RAB18: variants seen among roughly 807,000 people sequenced by gnomAD.
RAB18 encodes ras-related protein Rab-18.
Under a neutral mutation model 28.5 loss-of-function variants are expected in RAB18, and 10 were observed. That is an observed-to-expected ratio of 0.35 (90% CI 0.22 to 0.60). The LOEUF is 0.60. Ranked by LOEUF, RAB18 falls within the 20% of genes least tolerant of loss-of-function variation. The pLI is 0.78. For synonymous variants in RAB18, 93 were observed against 86.9 expected (o/e 1.07, Z -0.39); for missense variants, 188 against 244.2 (o/e 0.77, Z 1.53).
intron 2 of RAB18, among the ~76,000 whole-genome samples, 198 bp from the exon 3 acceptor site, chr10:27,526,630 G>A (rs1434425497): frequency 6.6e-6 from 1 of 152,166 alleles, no homozygotes; most frequent in East Asian, 1.9e-4. Flanking sequence ...ACAAGCATTT[G>A]ATTTTCATTT....
At chr10:27,508,802 C>G (rs950663033) in intron 1 of RAB18, among the ~76,000 whole-genome samples, 17 of 152,150 alleles carry the variant, frequency 1.1e-4, no homozygotes, top group Admixed American at 8.5e-4. Flanking sequence ...ACAAAACATA[C>G]CTCTACCAGC....
At chr10:27,523,700 C>A (rs1834614496) in intron 2 of RAB18, among the ~76,000 whole-genome samples, 1 of 150,858 alleles carries the variant, frequency 6.6e-6, no homozygotes, top group Admixed American at 6.6e-5. Flanking sequence ...TCAGCCTCGA[C>A]CTTTCAGGCT....
chr10:27,528,634 T>C (rs1479222881), intron 3 of RAB18, among the ~76,000 whole-genome samples: 3 of 152,102 alleles, frequency 2.0e-5, no homozygotes, highest in Admixed American at 1.3e-4. Flanking sequence ...AGCTGTACTT[T>C]AGTCAGCCTT....
At chr10:27,529,334 T>C (rs1189167353) in intron 3 of RAB18, among the ~76,000 whole-genome samples, 2 of 152,004 alleles carry the variant, frequency 1.3e-5, no homozygotes, top group African/African-American at 4.8e-5. Flanking sequence ...GGGTGTAACG[T>C]ATTTAGGAAG....
chr10:27,539,639 CTG>C lies in RAB18; in HGVS notation c.*1590_*1591del. The C allele has an allele frequency of 2.2e-6, 1 of 453,114 alleles. No individual in the cohort carries two copies. The allele number at this position is 453,114 out of a possible 1,614,324, so 28.1% of individuals were successfully genotyped here. On this transcript the variant is annotated 3_prime_UTR_variant, in exon 7 of 7. Transcript: ENST00000356940. ...TGAGATTTGTGTATTTATGTAGAGT[CTG>C]TATTGACAAGACTGTTGTTTTTTGC...
At chr10:27,511,066 A>G (rs967922093) in intron 2 of RAB18, among the ~76,000 whole-genome samples, 1 of 152,214 alleles carries the variant, frequency 6.6e-6, no homozygotes, top group Non-Finnish European at 1.5e-5. Flanking sequence ...ACATAGATAC[A>G]TTTTATTGTC....
At chr10:27,520,396 A>G (rs1834522353) in intron 2 of RAB18, among the ~76,000 whole-genome samples, 1 of 151,362 alleles carries the variant, frequency 6.6e-6, no homozygotes, top group Admixed American at 6.6e-5. Flanking sequence ...TTTGAAGTTA[A>G]TCTAGTTTAA....
Position 27,539,363 on chromosome 10 carries a change from A to ATT in RAB18, c.*1316_*1317dup, listed in dbSNP as rs1305759414. 1 of 295,678 alleles carries ATT rather than the reference A, an allele frequency of 3.4e-6. No homozygotes were observed. Among genetic ancestry groups the ATT allele is most frequent in the Non-Finnish European group, 6.5e-6 (1 of 153,064 alleles). 18.3% of individuals were successfully genotyped at this position (295,678 alleles called of 1,614,324 possible). ...CTGTATACAATTGCAAATGATAAGC[A>ATT]TTTTTGTGAGTGACCACCTTTGCAA... On this transcript the variant is annotated 3_prime_UTR_variant, in exon 7 of 7. Transcript: ENST00000356940.
rs11597728 is a variant in RAB18, at chr10:27,541,527, A to G, written c.*3476A>G. On this transcript the variant is annotated 3_prime_UTR_variant, in exon 7 of 7. Coordinates refer to ENST00000356940, the MANE Select transcript of RAB18 (RefSeq NM_021252.5). ...AAGTGCCCCTTAGTTAAAGCTGTTCAATGAATGTAAGCACACACACACCTA... is the reference window on the plus strand; with the variant it reads ...AAGTGCCCCTTAGTTAAAGCTGTTCGATGAATGTAAGCACACACACACCTA... 0.19 allele frequency: 86,041 copies of G among 453,632 alleles called. 8,892 individuals carry two copies. The highest frequency in any genetic ancestry group is 0.33 in the East Asian group (4,672 of 14,340). 28.1% of individuals were successfully genotyped at this position (453,632 alleles called of 1,614,324 possible).
rs1464711906 is a variant in RAB18 at position 27,542,172 on chromosome 10, C to T, written c.*4121C>T. On this transcript the variant is annotated 3_prime_UTR_variant, in exon 7 of 7. Transcript: ENST00000356940. ...TGGGAACTTCTGGATCAAATTGGAC[C>T]TGAATTGAGATCTATTTCTCAGCTT... is the stretch of plus-strand genomic sequence containing the variant. The T allele has an allele frequency of 2.2e-6, 1 of 454,052 alleles. No homozygotes were observed. The highest frequency in any genetic ancestry group is 2.3e-5 in the Admixed American group (1 of 42,566). 28.1% of individuals were successfully genotyped at this position (454,052 alleles called of 1,614,324 possible).
chr10:27,533,475 A>G (rs1287033393), intron 4 of RAB18, among the ~76,000 whole-genome samples: 1 of 152,018 alleles, frequency 6.6e-6, no homozygotes, highest in Non-Finnish European at 1.5e-5. Context: ...TGGGTATTAA[A>G]TGTGTTTTCA....
rs958563966 is a variant in RAB18 at position 27,538,637 on chromosome 10, A to G, written c.*586A>G. On this transcript the variant is annotated 3_prime_UTR_variant, in exon 7 of 7. Transcript: ENST00000356940. ...GGATGATGCTTCTAAAACAGCATTG[A>G]TAGGTTAAAGAAGCTTGGTATTTTT... The G allele has an allele frequency of 2.2e-6, 1 of 453,984 alleles. No homozygotes were observed. The highest frequency in any genetic ancestry group is 6.9e-5 in the East Asian group (1 of 14,404). The allele number at this position is 453,984 out of a possible 1,614,324, so 28.1% of individuals were successfully genotyped here. A position where few individuals can be genotyped will look rare whatever the true frequency, so the allele number is the denominator to read the frequency against.
intron 3 of RAB18, among the ~76,000 whole-genome samples, chr10:27,531,848 C>T (rs2132405782): frequency 6.6e-6 from 1 of 151,614 alleles, no homozygotes; most frequent in East Asian, 1.9e-4. Flanking sequence ...TTGGTCTCAG[C>T]ACAATGGTTA....
rs1441234710 is a variant in RAB18 at position 27,540,702 on chromosome 10, A to G, written c.*2651A>G. The G allele has an allele frequency of 2.2e-6, 1 of 453,982 alleles. No individual in the cohort carries two copies. 28.1% of individuals were successfully genotyped at this position (453,982 alleles called of 1,614,324 possible). ...CACTTTTTATGTGAGAATAGAAATT[A>G]TGGAAACAGTAATTTGCTCAAAACT... On this transcript the variant is annotated 3_prime_UTR_variant, in exon 7 of 7. Transcript: ENST00000356940.
intron 2 of RAB18, among the ~76,000 whole-genome samples, chr10:27,520,652 C>T (rs1834529333): frequency 6.6e-6 from 1 of 151,930 alleles, no homozygotes; most frequent in Non-Finnish European, 1.5e-5. Context: ...CATGGTGGCT[C>T]ATGCCTGTAA....
Position 27,541,874 on chromosome 10 carries a change from T to G in RAB18, c.*3823T>G. On this transcript the variant is annotated 3_prime_UTR_variant, in exon 7 of 7. Transcript: ENST00000356940. ...CAATTGGCATGTGGTTTGGGTGGCATTGTCACACCCTCGGCTTTCTAGATT... is the reference window on the plus strand; with the variant it reads ...CAATTGGCATGTGGTTTGGGTGGCAGTGTCACACCCTCGGCTTTCTAGATT... 2.2e-6 allele frequency: 1 copy of G among 448,966 alleles called. No homozygotes were observed. Among genetic ancestry groups the G allele is most frequent in the Non-Finnish European group, 4.4e-6 (1 of 225,524 alleles). 27.8% of individuals were successfully genotyped at this position (448,966 alleles called of 1,614,324 possible).
At position 27,539,191 on chromosome 10, in the gene RAB18, A is replaced by G. The variant is rs1589595910; in HGVS notation, c.*1140A>G. The G allele has an allele frequency of 8.9e-6, 3 of 336,332 alleles. No homozygotes were observed. The highest frequency in any genetic ancestry group is 1.7e-5 in the Non-Finnish European group (3 of 173,228). The allele number at this position is 336,332 out of a possible 1,614,324, so 20.8% of individuals were successfully genotyped here. On this transcript the variant is annotated 3_prime_UTR_variant, in exon 7 of 7. Coordinates refer to ENST00000356940, the MANE Select transcript of RAB18 (RefSeq NM_021252.5). ...GTTTTCTCACCTCTTGCTATTGTAT[A>G]TTGTAGATTTTTTTCATTCATGTGT...
Position 27,509,953 on chromosome 10 carries a change from T to C in RAB18, c.124+23T>C, listed in dbSNP as rs113797754. On this transcript the variant is annotated intron_variant, in intron 2 of 6. Coordinates refer to ENST00000356940, the MANE Select transcript of RAB18 (RefSeq NM_021252.5). ...TAGGTAAGCCTGTGTTTAAAAATTC[T>C]ATAGAAATGGCCAGTATTTTCTTGC... is the stretch of plus-strand genomic sequence containing the variant. The C allele has an allele frequency of 3.1e-5, 49 of 1,582,486 alleles. No individual in the cohort carries two copies. In the African/African-American group the frequency reaches 3.5e-4, roughly 11 times the overall value.
intron 3 of RAB18, among the ~76,000 whole-genome samples, chr10:27,530,011 A>C (rs2132402751): frequency 6.6e-6 from 1 of 152,140 alleles, no homozygotes; most frequent in East Asian, 1.9e-4. Context: ...TTAAAACATC[A>C]GGATTTATGG....
Sources: allele counts gnomAD v4.1 joint callset (sites outside exome capture counted in the v4.1 genomes callset), GRCh38; gene constraint gnomAD v4.1.1; transcripts MANE v1.5; gene names NCBI Gene and HGNC (gene_info 2026-07-23, HGNC 2026-07-21).